Variants in PRMT9 observed in about 807,000 individuals in gnomAD.
PRMT9 encodes protein arginine N-methyltransferase 9.
PRMT9 carries 59 observed loss-of-function variants against 83.2 expected under a neutral mutation model. That is an observed-to-expected ratio of 0.71 (90% CI 0.57 to 0.88). The LOEUF is 0.88. Among genes scored for constraint, PRMT9 ranks in the 40% least tolerant of loss-of-function variants. The probability of loss-of-function intolerance (pLI) is 0.00; values close to 1 mark genes in which losing one functional copy is unlikely to be tolerated. For synonymous variants in PRMT9, 333 were observed against 353.2 expected (o/e 0.94, Z 0.64); for missense variants, 947 against 1,021.9 (o/e 0.93, Z 1.00).
At chr4:147,677,631 T>A (rs1736179293) in intron 2 of PRMT9, among the ~76,000 whole-genome samples, 1 of 151,918 alleles carries the variant, frequency 6.6e-6, no homozygotes, top group Non-Finnish European at 1.5e-5. Flanking sequence ...TTTTTGCATT[T>A]TTTTTAGTAG....
intron 9 of PRMT9, among the ~76,000 whole-genome samples, chr4:147,652,894 G>T (rs1382590588): frequency 1.3e-5 from 2 of 151,924 alleles, no homozygotes; most frequent in Non-Finnish European, 2.9e-5. Context: ...TATTGCTGGA[G>T]AAAGAATATA....
chr4:147,669,206 T>C (rs969235801), intron 5 of PRMT9, among the ~76,000 whole-genome samples: 1 of 150,524 alleles, frequency 6.6e-6, no homozygotes, highest in African/African-American at 2.4e-5. Flanking sequence ...CTAGGCAACA[T>C]AGCAAGACCC....
intron 1 of PRMT9, among the ~76,000 whole-genome samples, chr4:147,682,368 G>A (rs1295114819): frequency 1.3e-5 from 2 of 152,118 alleles, no homozygotes; most frequent in South Asian, 2.1e-4. Flanking sequence ...TAGTAGAGAC[G>A]GGGTTTCTCC....
intron 5 of PRMT9, among the ~76,000 whole-genome samples, chr4:147,669,225 C>G (rs574425233): frequency 1.6e-5 from 1 of 64,386 alleles, no homozygotes; most frequent in African/African-American, 4.4e-5. Context: ...CCTGTCTCTA[C>G]AGAAAAAAAA....
At position 147,668,928 on chromosome 4, in the gene PRMT9, CAT is replaced by C. The variant is rs554317898; in HGVS notation, c.847-285_847-284del. Among the ~76,000 whole-genome samples, 76 of 151,952 alleles carry C rather than the reference CAT, an allele frequency of 5.0e-4. No homozygotes were observed. In the South Asian group the frequency reaches 7.3e-3, roughly 15 times the overall value. ...GGTGAAACCCCATCTCTACTAAAAA[CAT>C]AAAAAATTAGCTGGGCGTGGTGGCA... is the stretch of plus-strand genomic sequence containing the variant. On this transcript the variant is annotated intron_variant, in intron 5 of 11. Transcript: ENST00000322396.
At chr4:147,679,073 G>A (rs1736285444) in intron 2 of PRMT9, among the ~76,000 whole-genome samples, 1 of 152,176 alleles carries the variant, frequency 6.6e-6, no homozygotes, top group African/African-American at 2.4e-5. Context: ...CCTGCTCTGT[G>A]AAAACTGTAT....
chr4:147,639,061 C>A lies in PRMT9; in HGVS notation c.2221G>T (p.Asp741Tyr), dbSNP rs1733204863. The change falls in exon 11 of 12, where the codon GAC (aspartate) becomes TAC (tyrosine). Residue 741 changes from aspartate to tyrosine, a missense_variant. Coordinates refer to ENST00000322396, the MANE Select transcript of PRMT9 (RefSeq NM_138364.4). ...GGTATACAGGGCAATGAGGATAGGT[C>A]CAAAAATACACGTATAGGTACCTAG... ...QFQVPIRVFLDLSSLPCIPLS... is the reference protein window; with the variant it reads ...QFQVPIRVFLYLSSLPCIPLS... 1 of 1,613,390 alleles carries A rather than the reference C, an allele frequency of 6.2e-7. No individual in the cohort carries two copies. Among genetic ancestry groups the A allele is most frequent in the South Asian group, 1.1e-5 (1 of 91,050 alleles).
At chr4:147,668,004 T>G (rs200644892) in intron 6 of PRMT9, among the ~76,000 whole-genome samples, 5 of 104,454 alleles carry the variant, frequency 4.8e-5, no homozygotes, top group Non-Finnish European at 1.1e-4. Flanking sequence ...AAAAAAAAAA[T>G]AAGACCAGTG....
chr4:147,682,336 C>T (rs1463557133), intron 1 of PRMT9, among the ~76,000 whole-genome samples: 1 of 152,208 alleles, frequency 6.6e-6, no homozygotes, highest in Non-Finnish European at 1.5e-5. Context: ...TGCACCACCA[C>T]GCCCAGCTAA....
chr4:147,639,268 G>C (rs1733223131), intron 10 of PRMT9, 186 bp from the exon 11 acceptor site: 1 of 557,300 alleles, frequency 1.8e-6, no homozygotes, highest in Non-Finnish European at 3.2e-6. Context: ...GCTTTCATTA[G>C]AACTTTCATT....
Position 147,654,326 on chromosome 4 carries a change from T to G in PRMT9, c.1571A>C (p.Glu524Ala). 1.2e-6 allele frequency: 2 copies of G among 1,614,190 alleles called. No individual in the cohort carries two copies. Among genetic ancestry groups the G allele is most frequent in the Non-Finnish European group, 1.7e-6 (2 of 1,180,010 alleles). The change falls in exon 9 of 12, where the codon GAA (glutamate) becomes GCA (alanine). Residue 524 changes from glutamate to alanine, a missense_variant. Coordinates refer to ENST00000322396, the MANE Select transcript of PRMT9 (RefSeq NM_138364.4). ...TGGGATGTTGTTAAGCAAAGCAATT[T>G]CTGTAGATTCCAATATACATGTCTG... The part of the protein sequence containing the change: ...VEQTCILEST[E>A]IALLNNIPYH...
At chr4:147,658,985 C>T (rs1734731958) in intron 7 of PRMT9, among the ~76,000 whole-genome samples, 1 of 152,058 alleles carries the variant, frequency 6.6e-6, no homozygotes, top group African/African-American at 2.4e-5. Flanking sequence ...TGAGACCATC[C>T]TGGCTAACAC....
At chr4:147,666,287 T>C (rs367730867) in intron 6 of PRMT9, among the ~76,000 whole-genome samples, 2 of 152,328 alleles carry the variant, frequency 1.3e-5, no homozygotes. Context: ...TGTTTTAAAA[T>C]GTGGTCACAT....
intron 2 of PRMT9, among the ~76,000 whole-genome samples, chr4:147,679,332 G>A (rs1462104569): frequency 6.6e-6 from 1 of 152,156 alleles, no homozygotes; most frequent in Non-Finnish European, 1.5e-5. Context: ...CTACTGGAGT[G>A]CAGGTGGGGG....
At position 147,638,563 on chromosome 4, in the gene PRMT9, T is replaced by C. The variant is rs1560960449; in HGVS notation, c.2507A>G (p.Lys836Arg). 3 of 1,613,824 alleles carry C rather than the reference T, an allele frequency of 1.9e-6. No homozygotes were observed. The highest frequency in any genetic ancestry group is 2.5e-6 in the Non-Finnish European group (3 of 1,179,826). The part of the protein sequence containing the change: ...EELVLSIQHH[K>R]SNVSITVKQ ...CTTTACTGTGATGCTGACATTGCTTTTGTGATGCTGAATGCTGAGTACAAG... is the reference window on the plus strand; with the variant it reads ...CTTTACTGTGATGCTGACATTGCTTCTGTGATGCTGAATGCTGAGTACAAG... The change falls in exon 12 of 12, where the codon AAA (lysine) becomes AGA (arginine). Residue 836 changes from lysine to arginine, a missense_variant. Coordinates refer to ENST00000322396, the MANE Select transcript of PRMT9 (RefSeq NM_138364.4).
chr4:147,646,889 G>A (rs2126578788), intron 9 of PRMT9, among the ~76,000 whole-genome samples: 1 of 152,258 alleles, frequency 6.6e-6, no homozygotes, highest in East Asian at 1.9e-4. Flanking sequence ...TTATGGCAGT[G>A]CAAGAAATCT....
intron 4 of PRMT9, among the ~76,000 whole-genome samples, chr4:147,671,252 C>CT (rs1735710628): frequency 6.6e-6 from 1 of 152,148 alleles, no homozygotes; most frequent in Non-Finnish European, 1.5e-5. Flanking sequence ...TTCTCAAAAT[C>CT]TATCTCTACC....
chr4:147,682,797 T>C (rs1175622691), intron 1 of PRMT9, among the ~76,000 whole-genome samples: 2 of 152,172 alleles, frequency 1.3e-5, no homozygotes, highest in Non-Finnish European at 2.9e-5. Flanking sequence ...GGACAGCTGG[T>C]CCTGAAATTT....
intron 2 of PRMT9, among the ~76,000 whole-genome samples, chr4:147,677,061 A>C (rs944900190): frequency 6.6e-6 from 1 of 151,686 alleles, no homozygotes; most frequent in Non-Finnish European, 1.5e-5. Flanking sequence ...AAAAAAAAAA[A>C]ACTTAATATA....
Sources: allele counts gnomAD v4.1 joint callset (sites outside exome capture counted in the v4.1 genomes callset), GRCh38; gene constraint gnomAD v4.1.1; transcripts MANE v1.5; gene names NCBI Gene and HGNC (gene_info 2026-07-23, HGNC 2026-07-21).